The following GLRA2 variants were observed in gnomAD, a reference collection of about 807,000 sequenced individuals.
GLRA2 encodes glycine receptor subunit alpha-2.
Under a neutral mutation model 31.6 loss-of-function variants are expected in GLRA2, and 11 were observed. The ratio of observed to expected loss-of-function variants is 0.35; its 90% CI spans 0.22 to 0.58. The LOEUF (loss-of-function observed/expected upper bound fraction) is 0.58. Ranked by LOEUF, GLRA2 falls within the 20% of genes least tolerant of loss-of-function variation. The probability of loss-of-function intolerance (pLI) is 0.84; values close to 1 mark genes in which losing one functional copy is unlikely to be tolerated. For synonymous variants in GLRA2, 132 were observed against 134.0 expected, an observed-to-expected ratio of 0.99 and a Z score of 0.10; for missense variants, 212 against 351.8, an observed-to-expected ratio of 0.60 and a Z score of 3.18.
intron 4 of GLRA2, among the ~76,000 whole-genome samples, chrX:14,585,742 G>T (rs1343031798): frequency 8.9e-6 from 1 of 111,962 alleles, no homozygotes; most frequent in Admixed American, 9.5e-5. Context: ...GAACATACTG[G>T]ATTCCTAAGA....
At chrX:14,674,968 C>T (rs916589057) in intron 7 of GLRA2, among the ~76,000 whole-genome samples, 5 of 112,031 alleles carry the variant, frequency 4.5e-5, no homozygotes, top group East Asian at 2.8e-4. Flanking sequence ...CCCCCTTATT[C>T]CTGCCCTTGT....
chrX:14,670,610 A>G (rs1386944512), intron 7 of GLRA2, among the ~76,000 whole-genome samples: 3 of 111,138 alleles, frequency 2.7e-5, no homozygotes, highest in Non-Finnish European at 5.7e-5. Flanking sequence ...TCTCATTTTT[A>G]AAACCACCAG....
the GLRA2 span, among the ~76,000 whole-genome samples, chrX:14,495,346 AATGGACATT>A: frequency 9.0e-6 from 1 of 111,093 alleles, no homozygotes; most frequent in Non-Finnish European, 1.9e-5. Flanking sequence ...AATGCAGGCG[AATGGACATT>A]ATGTTTTACT....
At chrX:14,489,295 T>C in the GLRA2 span, among the ~76,000 whole-genome samples, 1 of 110,890 alleles carries the variant, frequency 9.0e-6, no homozygotes, top group Non-Finnish European at 1.9e-5. Context: ...TATAAAGGGG[T>C]CCTCAAACTC....
intron 4 of GLRA2, among the ~76,000 whole-genome samples, chrX:14,602,418 CT>C (rs1162348713): frequency 3.8e-5 from 4 of 106,159 alleles, no homozygotes; most frequent in East Asian, 2.9e-4. Flanking sequence ...TTTGTTTTTC[CT>C]TTTTTTTTCA....
intron 4 of GLRA2, among the ~76,000 whole-genome samples, chrX:14,597,580 C>A (rs1400452485): frequency 1.8e-5 from 2 of 111,011 alleles, no homozygotes; most frequent in Admixed American, 1.9e-4. Flanking sequence ...TTTAAAACAA[C>A]AAGCCATGAG....
chrX:14,460,644 G>C, the GLRA2 span, among the ~76,000 whole-genome samples: 1 of 111,917 alleles, frequency 8.9e-6, no homozygotes, highest in African/African-American at 3.3e-5. Context: ...GTTTATTTGC[G>C]TAGAGATGTT....
chrX:14,475,890 C>T, the GLRA2 span, among the ~76,000 whole-genome samples: 1 of 111,535 alleles, frequency 9.0e-6, no homozygotes, highest in African/African-American at 3.3e-5. Flanking sequence ...GCTTATAGTA[C>T]ATTTATTTAA....
chrX:14,494,951 C>T, the GLRA2 span, among the ~76,000 whole-genome samples: 2 of 111,866 alleles, frequency 1.8e-5, no homozygotes, highest in Admixed American at 1.9e-4. Flanking sequence ...CTGTATGATG[C>T]CTCCTTTCAT....
intron 2 of GLRA2, among the ~76,000 whole-genome samples, chrX:14,565,954 G>T (rs1240107101): frequency 2.7e-5 from 3 of 111,596 alleles, no homozygotes; most frequent in African/African-American, 9.8e-5. Context: ...AGTTATCAGA[G>T]AAAGTAAATA....
At chrX:14,522,184 G>C in the GLRA2 span, among the ~76,000 whole-genome samples, 1 of 112,300 alleles carries the variant, frequency 8.9e-6, no homozygotes, top group Non-Finnish European at 1.9e-5. Context: ...TGAATCCTTT[G>C]TTGTCATTTC....
chrX:14,671,007 A>C (rs2091086998), intron 7 of GLRA2, among the ~76,000 whole-genome samples: 1 of 111,925 alleles, frequency 8.9e-6, no homozygotes, highest in African/African-American at 3.2e-5. Flanking sequence ...TTTCTGTTTC[A>C]GCTCCATTAT....
intron 7 of GLRA2, among the ~76,000 whole-genome samples, chrX:14,612,453 A>C (rs1408951684): frequency 9.0e-6 from 1 of 111,494 alleles, no homozygotes; most frequent in Non-Finnish European, 1.9e-5. Flanking sequence ...ATATCATTTG[A>C]CCCAGCGAAC....
At chrX:14,699,150 C>T (rs752427218) in intron 8 of GLRA2, among the ~76,000 whole-genome samples, 28 of 112,270 alleles carry the variant, frequency 2.5e-4, no homozygotes, top group Non-Finnish European at 4.7e-4. Context: ...TGCAATAAAA[C>T]TCTGTTTTAA....
intron 2 of GLRA2, among the ~76,000 whole-genome samples, chrX:14,547,326 C>G (rs1237643097): frequency 1.8e-5 from 2 of 110,828 alleles, no homozygotes; most frequent in Non-Finnish European, 3.8e-5. Context: ...ATACTAGTAT[C>G]CTTGATATTC....
In GLRA2 at chrX:14,731,616, G is replaced by A. The variant is rs774782427; in HGVS notation, c.*1131G>A. 16 of 111,083 alleles carry A rather than the reference G, an allele frequency of 1.4e-4. No homozygotes were observed. Among genetic ancestry groups the A allele is most frequent in the East Asian group, 2.8e-4 (1 of 3,547 alleles). 9.2% of individuals were successfully genotyped at this position (111,083 alleles called of 1,213,427 possible). A position where few individuals can be genotyped will look rare whatever the true frequency, so the allele number is the denominator to read the frequency against. ...AATTGTACTGTGATTTTCATAACCC[G>A]TTGCCTTTTTGGTACCAGAGCTACG... On this transcript the variant is annotated 3_prime_UTR_variant, in exon 9 of 9. Coordinates refer to ENST00000218075, the MANE Select transcript of GLRA2 (RefSeq NM_002063.4).
chrX:14,539,076 G>T (rs1408651665), intron 2 of GLRA2, among the ~76,000 whole-genome samples: 1 of 111,236 alleles, frequency 9.0e-6, no homozygotes. Context: ...AGTCAATTTT[G>T]CTGATAATCT....
chrX:14,563,924 A>G (rs2089765176), intron 2 of GLRA2, among the ~76,000 whole-genome samples: 1 of 111,697 alleles, frequency 9.0e-6, no homozygotes, highest in Non-Finnish European at 1.9e-5. Flanking sequence ...AGCAGAAAGA[A>G]AAAAGAATAA....
chrX:14,509,747 C>T, the GLRA2 span, among the ~76,000 whole-genome samples: 21 of 112,320 alleles, frequency 1.9e-4, no homozygotes, highest in African/African-American at 6.1e-4. Flanking sequence ...AGTGTCTCTT[C>T]CTGGATTAGA....
Sources: gnomAD v4.1 joint callset for allele counts (sites outside exome capture counted in the v4.1 genomes callset) on GRCh38, gnomAD v4.1.1 for gene constraint, MANE v1.5 for transcripts, NCBI Gene and HGNC (gene_info 2026-07-23, HGNC 2026-07-21) for gene names.